NTN4: variants seen among roughly 807,000 people sequenced by gnomAD.
The protein encoded by NTN4 is netrin 4, also known as netrin-4.
In NTN4, 32 loss-of-function variants were observed where a neutral mutation model predicts 73.6. The ratio of observed to expected loss-of-function variants is 0.44; its 90% CI spans 0.33 to 0.58. NTN4 has a LOEUF of 0.58. Ranked by LOEUF, NTN4 falls within the 20% of genes least tolerant of loss-of-function variation. The pLI is 0.04. For synonymous variants in NTN4, 258 were observed against 287.5 expected, an observed-to-expected ratio of 0.90 and a Z score of 1.04; for missense variants, 654 against 798.3, an observed-to-expected ratio of 0.82 and a Z score of 2.18.
chr12:95,724,413 G>T (rs1319474793), intron 3 of NTN4, among the ~76,000 whole-genome samples: 24 of 152,110 alleles, frequency 1.6e-4, no homozygotes, highest in Admixed American at 1.4e-3. Context: ...GTCCAACAGG[G>T]ATATTTACTT....
chr12:95,668,776 G>A (rs2078202882), intron 8 of NTN4, among the ~76,000 whole-genome samples: 1 of 151,084 alleles, frequency 6.6e-6, no homozygotes, highest in African/African-American at 2.4e-5. Context: ...GATCATTTGA[G>A]GTCAGAAGTC....
rs1036693571 is a variant in NTN4, at chr12:95,790,589, C to A, written c.-280G>T. 2.3e-4 allele frequency: 60 copies of A among 262,022 alleles called. No individual in the cohort carries two copies. The highest frequency in any genetic ancestry group is 4.0e-4 in the Non-Finnish European group (56 of 139,648). The allele number at this position is 262,022 out of a possible 1,614,324, so 16.2% of individuals were successfully genotyped here. A position where few individuals can be genotyped will look rare whatever the true frequency, so the allele number is the denominator to read the frequency against. On this transcript the variant is annotated 5_prime_UTR_variant, in exon 1 of 10. Transcript: ENST00000343702. This position sits in a 1 kb window ranked among gnomAD's most constrained non-coding sequence, Gnocchi z 6.5. ...ACCATAGCCGGCCTGGCTGCGCTGC[C>A]CCGCGGAGCGGCCCTGCGGGCTCGT... is the stretch of plus-strand genomic sequence containing the variant.
chr12:95,664,876 G>C (rs1383303663), intron 9 of NTN4, among the ~76,000 whole-genome samples: 2 of 151,956 alleles, frequency 1.3e-5, no homozygotes, highest in Non-Finnish European at 1.5e-5. Flanking sequence ...TATGGGGAAG[G>C]AATAAACTCA....
intron 2 of NTN4, among the ~76,000 whole-genome samples, chr12:95,744,017 T>C (rs1381621858): frequency 6.6e-6 from 1 of 152,200 alleles, no homozygotes; most frequent in Non-Finnish European, 1.5e-5. Flanking sequence ...TTCTCATGCC[T>C]CAGCCTCCCA....
intron 7 of NTN4, among the ~76,000 whole-genome samples, chr12:95,682,423 CTT>C (rs11433684): frequency 1.0e-4 from 14 of 136,456 alleles, no homozygotes; most frequent in Non-Finnish European, 1.4e-4. Flanking sequence ...TGGGTGACCT[CTT>C]TTTTTTTTTT....
intron 9 of NTN4, among the ~76,000 whole-genome samples, chr12:95,661,532 A>G (rs557029863): frequency 3.9e-5 from 6 of 152,322 alleles, no homozygotes; most frequent in Non-Finnish European, 8.8e-5. Flanking sequence ...TTGGCAATGG[A>G]GAGATCAGAC....
At position 95,676,702 on chromosome 12, in the gene NTN4, T is replaced by TAAA. The variant is rs202069385; in HGVS notation, c.1510+6002_1510+6004dup. Among the ~76,000 whole-genome samples the TAAA allele has an allele frequency of 1.5e-3, 207 of 141,512 alleles. 5 individuals are homozygous for TAAA. The South Asian group carries it at 0.045, about 31-fold the overall frequency. 92.8% of individuals were successfully genotyped at this position (141,512 alleles called of 152,430 possible). A position where few individuals can be genotyped will look rare whatever the true frequency, so the allele number is the denominator to read the frequency against. ...TAAAAAAGCAAACTTAGAGAAAACA[T>TAAA]AAAAAAAAAATAAAGATAAGAGCAG... On this transcript the variant is annotated intron_variant, in intron 7 of 9. Coordinates refer to ENST00000343702, the MANE Select transcript of NTN4 (RefSeq NM_021229.4).
At chr12:95,755,405 G>A (rs759820414) in intron 2 of NTN4, among the ~76,000 whole-genome samples, 1 of 152,182 alleles carries the variant, frequency 6.6e-6, no homozygotes, top group Admixed American at 6.5e-5. Flanking sequence ...AGAGAAGGCT[G>A]GACTAGAAGA....
intron 2 of NTN4, among the ~76,000 whole-genome samples, chr12:95,766,448 G>A (rs1011487747): frequency 6.6e-6 from 1 of 152,150 alleles, no homozygotes; most frequent in Non-Finnish European, 1.5e-5. Context: ...ACATTTCATG[G>A]GATGAGAAAC....
At chr12:95,782,961 T>TC (rs768831746) in intron 2 of NTN4, among the ~76,000 whole-genome samples, 32 of 152,186 alleles carry the variant, frequency 2.1e-4, no homozygotes, top group Non-Finnish European at 3.5e-4. Flanking sequence ...TTGCTACATC[T>TC]CCCCACTTCC....
At position 95,702,148 on chromosome 12, in the gene NTN4, C is replaced by T. The variant is rs565784482; in HGVS notation, c.1180+8293G>A. Among the ~76,000 whole-genome samples the T allele has an allele frequency of 1.3e-4, 19 of 151,888 alleles. No homozygotes were observed. In the South Asian group the frequency reaches 2.5e-3, roughly 20 times the overall value. On this transcript the variant is annotated intron_variant, in intron 5 of 9. Coordinates refer to ENST00000343702, the MANE Select transcript of NTN4 (RefSeq NM_021229.4). The stretch of plus-strand genomic sequence containing the variant: ...TACAAAAATTAGCTGGGTGTGGTGA[C>T]GAGCACCTGTAATCCCAGCTGCTCG...
chr12:95,729,730 A>G (rs1434725487), intron 3 of NTN4, among the ~76,000 whole-genome samples: 1 of 151,770 alleles, frequency 6.6e-6, no homozygotes, highest in Non-Finnish European at 1.5e-5. Context: ...GAGAATAAGG[A>G]CTTAAATCAC....
intron 9 of NTN4, among the ~76,000 whole-genome samples, chr12:95,661,720 A>C (rs1345063117): frequency 6.6e-6 from 1 of 152,220 alleles, no homozygotes; most frequent in Non-Finnish European, 1.5e-5. Context: ...AAGATAGAAG[A>C]GATAGAGGAA....
intron 3 of NTN4, among the ~76,000 whole-genome samples, chr12:95,729,942 G>C (rs568878543): frequency 6.6e-6 from 1 of 152,144 alleles, no homozygotes; most frequent in South Asian, 2.1e-4. Context: ...CAGTGAAATT[G>C]GAAGGCCAGG....
intron 2 of NTN4, among the ~76,000 whole-genome samples, chr12:95,755,384 GT>G (rs1263403590): frequency 4.6e-5 from 7 of 152,236 alleles, no homozygotes; most frequent in Non-Finnish European, 1.0e-4. Context: ...GGGAGTTCTG[GT>G]TTCATGGAAA....
In NTN4 at chr12:95,704,898, A is replaced by G. The variant is rs544786306; in HGVS notation, c.1180+5543T>C. Among the ~76,000 whole-genome samples the G allele has an allele frequency of 6.6e-5, 10 of 152,314 alleles. No homozygotes were observed. In the East Asian group the frequency reaches 1.2e-3, roughly 18 times the overall value. ...AAAGAAAGAAATACAGATCTTCCCT[A>G]TGAACCCATCTACCTCCTATACATT... On this transcript the variant is annotated intron_variant, in intron 5 of 9. Transcript: ENST00000343702.
Position 95,752,528 on chromosome 12 carries a change from A to G in NTN4, c.586-14384T>C, listed in dbSNP as rs183849310. Among the ~76,000 whole-genome samples the G allele has an allele frequency of 9.1e-3, 1,385 of 151,906 alleles. 35 individuals are homozygous for G. The highest frequency in any genetic ancestry group is 0.078 in the South Asian group (372 of 4,750). On this transcript the variant is annotated intron_variant, in intron 2 of 9. Transcript: ENST00000343702. ...AAGTTACCTAGGCTCTACTGCCACAAAGCTTCACAGACAGCCCCCATTACT... is the reference window on the plus strand; with the variant it reads ...AAGTTACCTAGGCTCTACTGCCACAGAGCTTCACAGACAGCCCCCATTACT...
At chr12:95,663,005 A>C (rs1418594357) in intron 9 of NTN4, among the ~76,000 whole-genome samples, 1 of 152,092 alleles carries the variant, frequency 6.6e-6, no homozygotes, top group Non-Finnish European at 1.5e-5. Context: ...CTATAGTCCT[A>C]GCTACTCAAG....
chr12:95,680,936 T>C (rs890666554), intron 7 of NTN4, among the ~76,000 whole-genome samples: 9 of 152,064 alleles, frequency 5.9e-5, no homozygotes, highest in Non-Finnish European at 1.0e-4. Context: ...ACGCCTGTAA[T>C]CCCAGCACTA....
Sources: gnomAD v4.1 joint callset for allele counts (sites outside exome capture counted in the v4.1 genomes callset) on GRCh38, gnomAD v4.1.1 for gene constraint, Gnocchi (gnomAD v3.1) non-coding constraint, MANE v1.5 for transcripts, NCBI Gene and HGNC (gene_info 2026-07-23, HGNC 2026-07-21) for gene names.